Variants in DCC observed in about 807,000 individuals in gnomAD.
DCC encodes the protein DCC netrin 1 receptor.
A neutral mutation model predicts 172.5 loss-of-function variants in DCC; 58 were observed. The observed-to-expected ratio is 0.34, with a 90% CI of 0.27 to 0.42. The LOEUF (loss-of-function observed/expected upper bound fraction) is 0.42, where lower values mean the gene tolerates loss of function less well. Among genes scored for constraint, DCC ranks in the 10% least tolerant of loss-of-function variants. The pLI, the probability that DCC is intolerant of heterozygous loss-of-function variation, is 1.00. For synonymous variants in DCC, 709 were observed against 644.5 expected (o/e 1.10, Z -1.52); for missense variants, 1,740 against 1,791.0 (o/e 0.97, Z 0.51).
chr18:52,935,896 C>T (rs960731860), intron 5 of DCC, among the ~76,000 whole-genome samples: 3 of 151,950 alleles, frequency 2.0e-5, no homozygotes, highest in African/African-American at 7.3e-5. Flanking sequence ...CGTAGCAGTC[C>T]TTAAATTTTA....
Position 53,187,129 on chromosome 18 carries a change from C to CT in DCC, c.1573+8024dup, listed in dbSNP as rs56196908. Among the ~76,000 whole-genome samples the CT allele has an allele frequency of 7.3e-4, 106 of 144,528 alleles. 1 individual carries two copies. Among genetic ancestry groups the CT allele is most frequent in the Admixed American group, 3.7e-3 (53 of 14,452 alleles). The allele number at this position is 144,528 out of a possible 152,430, so 94.8% of individuals were successfully genotyped here. A position where few individuals can be genotyped will look rare whatever the true frequency, so the allele number is the denominator to read the frequency against. ...AATTTACTTTCTCTCTTTTTTTTTT[C>CT]TTTTTTTTTTTGAGATGGAATCTTG... On this transcript the variant is annotated intron_variant, in intron 9 of 28. Transcript: ENST00000442544.
chr18:52,498,157 C>T (rs1379572583), intron 1 of DCC, among the ~76,000 whole-genome samples: 2 of 152,082 alleles, frequency 1.3e-5, no homozygotes, highest in South Asian at 2.1e-4. Flanking sequence ...AATGTAAAAT[C>T]CATTCTTAAC....
intron 5 of DCC, among the ~76,000 whole-genome samples, chr18:52,956,984 T>C (rs2040755540): frequency 6.6e-6 from 1 of 152,144 alleles, no homozygotes; most frequent in Non-Finnish European, 1.5e-5. Flanking sequence ...TTGAATCTCT[T>C]GCAACTTCAG....
intron 2 of DCC, among the ~76,000 whole-genome samples, chr18:52,806,920 T>A (rs1476387023): frequency 1.3e-5 from 2 of 152,116 alleles, no homozygotes; most frequent in Non-Finnish European, 2.9e-5. Flanking sequence ...GTTGGTTAGG[T>A]GCAGTGGCTC....
At chr18:52,586,078 G>A (rs1404875830) in intron 1 of DCC, among the ~76,000 whole-genome samples, 22 of 59,468 alleles carry the variant, frequency 3.7e-4, no homozygotes, top group Non-Finnish European at 5.3e-4. Context: ...GCAAGACTCC[G>A]TCTCAAAAAA....
chr18:53,367,632 A>C (rs62098023), intron 15 of DCC, among the ~76,000 whole-genome samples: 45,175 of 151,988 alleles, frequency 0.3, 8,614 homozygotes, highest in Non-Finnish European at 0.44. Context: ...AACTCTTTTA[A>C]TCTTGTAAAG....
intron 1 of DCC, among the ~76,000 whole-genome samples, chr18:52,481,795 T>C (rs1343825554): frequency 6.6e-6 from 1 of 151,784 alleles, no homozygotes; most frequent in Admixed American, 6.6e-5. Context: ...TAATAACACC[T>C]CCCCATGAGA....
chr18:52,663,704 G>C (rs1460195518), intron 1 of DCC, among the ~76,000 whole-genome samples: 5 of 152,052 alleles, frequency 3.3e-5, no homozygotes, highest in Non-Finnish European at 7.4e-5. Flanking sequence ...GAAGAAGTAT[G>C]TTTTGAATAG....
At chr18:52,731,542 T>A (rs1038079526) in intron 1 of DCC, among the ~76,000 whole-genome samples, 4 of 152,178 alleles carry the variant, frequency 2.6e-5, no homozygotes, top group Admixed American at 2.6e-4. Context: ...CAAAGAGTAT[T>A]TTCTCTTTAC....
chr18:53,452,191 G>A (rs183750582), intron 23 of DCC, among the ~76,000 whole-genome samples: 3 of 152,308 alleles, frequency 2.0e-5, no homozygotes, highest in East Asian at 3.9e-4. Flanking sequence ...GTGAAATCAC[G>A]GAACAGTGGA....
chr18:53,153,564 G>A (rs546073100), intron 7 of DCC, among the ~76,000 whole-genome samples: 22 of 152,050 alleles, frequency 1.4e-4, no homozygotes, highest in Admixed American at 4.6e-4. Flanking sequence ...GTTTTAATGT[G>A]TATTTCTTGC....
At chr18:52,971,588 AG>A (rs1373314261) in intron 5 of DCC, among the ~76,000 whole-genome samples, 1 of 151,990 alleles carries the variant, frequency 6.6e-6, no homozygotes, top group Non-Finnish European at 1.5e-5. Context: ...TATAGACTGA[AG>A]TAGGGAATGA....
At chr18:52,512,268 T>C (rs1314458457) in intron 1 of DCC, among the ~76,000 whole-genome samples, 2 of 152,192 alleles carry the variant, frequency 1.3e-5, no homozygotes, top group East Asian at 3.9e-4. Context: ...AAGTCCTCCA[T>C]CTACATTTCC....
intron 27 of DCC, among the ~76,000 whole-genome samples, chr18:53,524,127 G>T (rs1478343007): frequency 6.6e-6 from 1 of 151,874 alleles, no homozygotes; most frequent in Non-Finnish European, 1.5e-5. Flanking sequence ...GCTGAGAATT[G>T]ATTGAAAGTG....
chr18:53,357,729 G>T (rs1215234930), intron 15 of DCC, among the ~76,000 whole-genome samples: 6 of 152,142 alleles, frequency 3.9e-5, no homozygotes, highest in Non-Finnish European at 8.8e-5. Context: ...AGAAAGGAGG[G>T]TAGATTTATT....
intron 2 of DCC, among the ~76,000 whole-genome samples, chr18:52,778,431 T>A (rs1163630212): frequency 6.6e-6 from 1 of 152,106 alleles, no homozygotes; most frequent in Admixed American, 6.5e-5. Flanking sequence ...ACCGTTAACA[T>A]TTTTTTCCAG....
rs74178680 is a variant in DCC, at chr18:52,664,470, C to CTTTTTTTTTTTTTTTTTTTTT, written c.92-87579_92-87578insTTTTTTTTTTTTTTTTTTTTT. On this transcript the variant is annotated intron_variant, in intron 1 of 28. Coordinates refer to ENST00000442544, the MANE Select transcript of DCC (RefSeq NM_005215.4). ...CAAATATCTTTTTTCTTTTCTTTTT[C>CTTTTTTTTTTTTTTTTTTTTT]TTTTTCTTTTTTTTTTTTTTTTGAG... Among the ~76,000 whole-genome samples the CTTTTTTTTTTTTTTTTTTTTT allele has an allele frequency of 1.4e-4, 14 of 99,800 alleles. 2 individuals are homozygous for CTTTTTTTTTTTTTTTTTTTTT. The highest frequency in any genetic ancestry group is 1.7e-4 in the Non-Finnish European group (9 of 52,336). The allele number at this position is 99,800 out of a possible 152,430, so 65.5% of individuals were successfully genotyped here.
At chr18:53,006,601 T>C (rs1430367285) in intron 5 of DCC, among the ~76,000 whole-genome samples, 1 of 152,200 alleles carries the variant, frequency 6.6e-6, no homozygotes, top group East Asian at 1.9e-4. Flanking sequence ...AAACTGTAGA[T>C]AGATAAGGTT....
intron 1 of DCC, among the ~76,000 whole-genome samples, chr18:52,469,452 C>T (rs1005043851): frequency 6.6e-6 from 1 of 152,050 alleles, no homozygotes; most frequent in Non-Finnish European, 1.5e-5. Context: ...CCATCTTAGC[C>T]TATAGAGAGG....
Sources: allele counts gnomAD v4.1 joint callset (sites outside exome capture counted in the v4.1 genomes callset), GRCh38; gene constraint gnomAD v4.1.1; transcripts MANE v1.5; gene names NCBI Gene and HGNC (gene_info 2026-07-23, HGNC 2026-07-21).